Variants in YPEL2 observed in about 807,000 individuals in gnomAD.
The protein encoded by YPEL2 is yippee like 2.
A neutral mutation model predicts 19.1 loss-of-function variants in YPEL2; 2 were observed. The ratio of observed to expected loss-of-function variants is 0.10; its 90% CI spans 0.04 to 0.33. The LOEUF (loss-of-function observed/expected upper bound fraction) is 0.33, where lower values mean the gene tolerates loss of function less well. Ranked by LOEUF, YPEL2 falls within the 10% of genes least tolerant of loss-of-function variation. The probability of loss-of-function intolerance (pLI) is 1.00; values close to 1 mark genes in which losing one functional copy is unlikely to be tolerated. For synonymous variants in YPEL2, 52 were observed against 50.0 expected, an observed-to-expected ratio of 1.04 and a Z score of -0.17; for missense variants, 66 against 140.7, an observed-to-expected ratio of 0.47 and a Z score of 2.68.
In YPEL2 at chr17:59,397,097, C is replaced by A. The variant is rs1032438239; in HGVS notation, c.271-4C>A. On this transcript the variant is annotated splice_region_variant and splice_polypyrimidine_tract_variant and intron_variant, in intron 4 of 4. Coordinates refer to ENST00000312655, the MANE Select transcript of YPEL2 (RefSeq NM_001005404.4). Reference sequence around the variant, plus strand: ...TATCTCTTCTCTGCTTCTGTATTTCCTAGGAACATGCTTTTGAAAGCAGCC... The same window carrying A: ...TATCTCTTCTCTGCTTCTGTATTTCATAGGAACATGCTTTTGAAAGCAGCC... The A allele has an allele frequency of 1.5e-5, 24 of 1,603,982 alleles. No individual in the cohort carries two copies. The Middle Eastern group carries it at 5.0e-4, about 33-fold the overall frequency.
chr17:59,358,955 G>A (rs189386230), intron 2 of YPEL2, among the ~76,000 whole-genome samples: 127 of 115,400 alleles, frequency 1.1e-3, no homozygotes, highest in African/African-American at 4.3e-3. Flanking sequence ...ATGAAGTCTT[G>A]CTCTGTGGCC....
chr17:59,401,351 A>C lies in YPEL2; in HGVS notation c.*4161A>C, dbSNP rs949286073. ...AGTTATGAAATCTGGCAGAAAAGGT[A>C]AAGCCTAGAAGAAACTATGAAAGCT... On this transcript the variant is annotated 3_prime_UTR_variant, in exon 5 of 5. Transcript: ENST00000312655. The C allele has an allele frequency of 2.0e-5, 3 of 152,644 alleles. No individual in the cohort carries two copies. Among genetic ancestry groups the C allele is most frequent in the African/African-American group, 7.2e-5 (3 of 41,460 alleles). The allele number at this position is 152,644 out of a possible 1,614,324, so 9.5% of individuals were successfully genotyped here.
chr17:59,340,776 C>T (rs571516494), intron 1 of YPEL2, among the ~76,000 whole-genome samples: 3 of 149,264 alleles, frequency 2.0e-5, no homozygotes, highest in Admixed American at 1.3e-4. Context: ...AGTGCAGTGA[C>T]GCCATCTCGG....
chr17:59,358,154 C>G (rs1202600129), intron 2 of YPEL2, among the ~76,000 whole-genome samples: 2 of 152,114 alleles, frequency 1.3e-5, no homozygotes, highest in Admixed American at 1.3e-4. Context: ...CACCTCATAC[C>G]CCTCCACAGT....
At chr17:59,340,425 T>A (rs113718704) in intron 1 of YPEL2, among the ~76,000 whole-genome samples, 1,723 of 150,000 alleles carry the variant, frequency 0.011, 20 homozygotes, top group African/African-American at 0.031. Flanking sequence ...TTATTTATTT[T>A]TTTTTTTTGA....
At chr17:59,342,730 C>G (rs936184340) in intron 1 of YPEL2, among the ~76,000 whole-genome samples, 1 of 152,210 alleles carries the variant, frequency 6.6e-6, no homozygotes, top group Non-Finnish European at 1.5e-5. Flanking sequence ...TTGGCTCTCT[C>G]GTCTGCATAG....
chr17:59,394,326 TC>T (rs1285100262), intron 4 of YPEL2, among the ~76,000 whole-genome samples: 1 of 146,596 alleles, frequency 6.8e-6, no homozygotes, highest in Admixed American at 6.7e-5. Flanking sequence ...GCTCCTCACT[TC>T]CCAGACGGGG....
chr17:59,371,038 C>A (rs993716176), intron 2 of YPEL2, among the ~76,000 whole-genome samples: 1 of 152,248 alleles, frequency 6.6e-6, no homozygotes, highest in African/African-American at 2.4e-5. Flanking sequence ...AGCCCCCAGC[C>A]GAGGGAGTTA....
intron 1 of YPEL2, among the ~76,000 whole-genome samples, chr17:59,350,647 A>C (rs1169267435): frequency 3.3e-5 from 5 of 152,258 alleles, no homozygotes; most frequent in Non-Finnish European, 7.3e-5. Flanking sequence ...ATTTCACAGA[A>C]GGTAGCTTTG....
chr17:59,397,023 T>A, intron 4 of YPEL2, 78 bp from the exon 5 acceptor site: 2 of 1,103,796 alleles, frequency 1.8e-6, no homozygotes, highest in Non-Finnish European at 2.6e-6. Context: ...AGAGTGAGAC[T>A]GCCTCAAAAA....
chr17:59,344,185 T>A (rs907232059), intron 1 of YPEL2, among the ~76,000 whole-genome samples: 1 of 152,086 alleles, frequency 6.6e-6, no homozygotes, highest in Non-Finnish European at 1.5e-5. Flanking sequence ...TGAGCCACTG[T>A]GCCCAGCATG....
chr17:59,361,351 T>G (rs950489375), intron 2 of YPEL2, among the ~76,000 whole-genome samples: 1 of 152,204 alleles, frequency 6.6e-6, no homozygotes, highest in Non-Finnish European at 1.5e-5. Context: ...ATAATACTAC[T>G]CAAAAATTTT....
intron 4 of YPEL2, among the ~76,000 whole-genome samples, chr17:59,396,546 G>A (rs1363279570): frequency 2.0e-5 from 3 of 152,244 alleles, no homozygotes; most frequent in African/African-American, 7.2e-5. Flanking sequence ...AGACTTAAAT[G>A]AGCGAAGCTC....
At chr17:59,372,352 C>T (rs923550669) in intron 2 of YPEL2, among the ~76,000 whole-genome samples, 3 of 152,176 alleles carry the variant, frequency 2.0e-5, no homozygotes, top group African/African-American at 7.2e-5. Context: ...TCTGAAATCT[C>T]CTCTGTTTCC....
intron 2 of YPEL2, among the ~76,000 whole-genome samples, chr17:59,361,165 T>C (rs2047838848): frequency 6.6e-6 from 1 of 152,186 alleles, no homozygotes; most frequent in Admixed American, 6.5e-5. Flanking sequence ...TGGTCCACAG[T>C]GGGACCATTT....
At chr17:59,375,275 C>A (rs1016134723) in intron 2 of YPEL2, among the ~76,000 whole-genome samples, 8 of 152,100 alleles carry the variant, frequency 5.3e-5, no homozygotes, top group Admixed American at 2.0e-4. Flanking sequence ...CCTTTGAGAT[C>A]CTTCACTGTA....
In YPEL2 at chr17:59,389,429, T is replaced by C. The variant is rs114373697; in HGVS notation, c.231T>C (p.Ile77=). The C allele has an allele frequency of 2.1e-3, 3,459 of 1,614,026 alleles. 66 individuals carry two copies. The African/African-American group carries it at 0.038, about 18-fold the overall frequency. ...LLTGLHAVAD[I]YCENCKTTLG... ...CAGGACTGCATGCAGTCGCAGACAT[T>C]TACTGTGAAAACTGCAAAACCACTC... Residue 77 remains isoleucine, a synonymous_variant, in exon 4 of 5, where the codon ATT becomes ATC. Transcript: ENST00000312655.
intron 1 of YPEL2, among the ~76,000 whole-genome samples, chr17:59,332,128 C>G (rs998451932): frequency 1.3e-5 from 2 of 152,108 alleles, no homozygotes; most frequent in Non-Finnish European, 2.9e-5. Context: ...CTGGGCGAGT[C>G]TGCGGGGCCA....
chr17:59,369,702 C>A (rs1271710573), intron 2 of YPEL2, among the ~76,000 whole-genome samples: 1 of 152,240 alleles, frequency 6.6e-6, no homozygotes, highest in Non-Finnish European at 1.5e-5. Flanking sequence ...GTTCTCAGTA[C>A]TTGGAAGATA....
Sources: allele counts gnomAD v4.1 joint callset (sites outside exome capture counted in the v4.1 genomes callset), GRCh38; gene constraint gnomAD v4.1.1; transcripts MANE v1.5; gene names NCBI Gene and HGNC (gene_info 2026-07-23, HGNC 2026-07-21).